Variants in RBPJ observed in about 807,000 individuals in gnomAD.
The protein encoded by RBPJ is recombination signal binding protein for immunoglobulin kappa J region.
In RBPJ, 9 loss-of-function variants were observed where a neutral mutation model predicts 67.8. That is an observed-to-expected ratio of 0.13 (90% CI 0.08 to 0.23). The LOEUF is 0.23. Ranked by LOEUF, RBPJ falls within the 10% of genes least tolerant of loss-of-function variation. The pLI, the probability that RBPJ is intolerant of heterozygous loss-of-function variation, is 1.00. For missense variants in RBPJ, 305 were observed against 595.6 expected (o/e 0.51, Z 5.08); for synonymous variants, 198 against 203.3 (o/e 0.97, Z 0.22).
chr4:26,238,562 G>C lies in RBPJ; in HGVS notation c.-167+74948G>C, dbSNP rs569090325. Reference sequence around the variant, plus strand: ...TACTGTTGTGGCCAAAGGTCACAGAGCTGGTAAGTGACAAAGTCAATAAAT... The same window carrying C: ...TACTGTTGTGGCCAAAGGTCACAGACCTGGTAAGTGACAAAGTCAATAAAT... On this transcript the variant is annotated intron_variant, in intron 1 of 4. Coordinates refer to the RBPJ transcript ENST00000512351. Among the ~76,000 whole-genome samples the C allele has an allele frequency of 3.9e-5, 6 of 152,336 alleles. No individual in the cohort carries two copies. In the South Asian group the frequency reaches 1.0e-3, roughly 26 times the overall value.
chr4:26,316,297 ACATATATACATT>A (rs915735530), upstream of RBPJ, among the ~76,000 whole-genome samples: 6 of 148,140 alleles, frequency 4.1e-5, no homozygotes, highest in African/African-American at 1.5e-4. Context: ...ATACATATAC[ACATATATACATT>A]CATATATACA....
At chr4:26,361,044 A>AGTGTGTGT (rs1232813456) in intron 1 of RBPJ, among the ~76,000 whole-genome samples, 14 of 95,340 alleles carry the variant, frequency 1.5e-4, no homozygotes, top group African/African-American at 3.9e-4. Context: ...TCCTTTCAGG[A>AGTGTGTGT]GTGAGTGTGT....
At chr4:26,235,066 A>G (rs925802869) in intron 1 of RBPJ, among the ~76,000 whole-genome samples, 4 of 152,140 alleles carry the variant, frequency 2.6e-5, no homozygotes, top group African/African-American at 9.7e-5. Flanking sequence ...GGAATTGTGC[A>G]TTTTGCTCAT....
chr4:26,194,361 C>T (rs1717676948), intron 1 of RBPJ, among the ~76,000 whole-genome samples: 1 of 152,200 alleles, frequency 6.6e-6, no homozygotes, highest in African/African-American at 2.4e-5. Context: ...AGCACACACA[C>T]ACATTTAATC....
chr4:26,377,692 C>T (rs1261104686), intron 1 of RBPJ, among the ~76,000 whole-genome samples: 1 of 152,166 alleles, frequency 6.6e-6, no homozygotes, highest in Non-Finnish European at 1.5e-5. Flanking sequence ...AATGGTTTCC[C>T]TAGTGAAATT....
chr4:26,341,264 AAAG>A (rs1162079349), intron 1 of RBPJ, among the ~76,000 whole-genome samples: 1 of 152,176 alleles, frequency 6.6e-6, no homozygotes, highest in African/African-American at 2.4e-5. Flanking sequence ...GAAGTCAAAT[AAAG>A]AAGATGGCTC....
At chr4:26,288,146 CT>C (rs1474118422) in intron 1 of RBPJ, among the ~76,000 whole-genome samples, 1 of 152,176 alleles carries the variant, frequency 6.6e-6, no homozygotes, top group East Asian at 1.9e-4. Flanking sequence ...AACAAATTAC[CT>C]CCAAATTTAG....
intron 1 of RBPJ, among the ~76,000 whole-genome samples, chr4:26,356,853 T>G (rs1392299682): frequency 1.3e-5 from 2 of 152,230 alleles, no homozygotes; most frequent in Non-Finnish European, 2.9e-5. Context: ...GCAGTTATAC[T>G]TTTGATAGAT....
At chr4:26,341,039 G>A (rs1392357815) in intron 1 of RBPJ, among the ~76,000 whole-genome samples, 1 of 152,130 alleles carries the variant, frequency 6.6e-6, no homozygotes, top group African/African-American at 2.4e-5. Context: ...AAGAGGTCAA[G>A]GCTGGGAATA....
the RBPJ span, among the ~76,000 whole-genome samples, chr4:26,135,483 G>T: frequency 1.3e-5 from 2 of 152,004 alleles, no homozygotes; most frequent in African/African-American, 4.8e-5. Flanking sequence ...TCGTTTTACA[G>T]CTGAGGAAAC....
intron 2 of RBPJ, among the ~76,000 whole-genome samples, chr4:26,388,858 A>G (rs1258838410): frequency 6.6e-6 from 1 of 152,178 alleles, no homozygotes; most frequent in Non-Finnish European, 1.5e-5. Context: ...TAGGAAGAGT[A>G]TGAATAAAAC....
intron 1 of RBPJ, among the ~76,000 whole-genome samples, chr4:26,205,027 G>A (rs1017944529): frequency 1.2e-4 from 19 of 152,330 alleles, no homozygotes; most frequent in African/African-American, 4.3e-4. Context: ...GGGGCCACGT[G>A]GCTGGAAGGA....
intron 1 of RBPJ, among the ~76,000 whole-genome samples, chr4:26,228,216 A>G (rs1361293996): frequency 6.6e-6 from 1 of 152,216 alleles, no homozygotes; most frequent in Non-Finnish European, 1.5e-5. Context: ...ATCTGGTTGT[A>G]ATTTCAGCAG....
At chr4:26,114,497 A>ATATATG in the RBPJ span, among the ~76,000 whole-genome samples, 70 of 140,072 alleles carry the variant, frequency 5.0e-4, no homozygotes, top group African/African-American at 1.9e-3. Context: ...ATATATATAT[A>ATATATG]TGTATGTGTG....
chr4:26,215,790 T>C (rs1718703783), intron 1 of RBPJ, among the ~76,000 whole-genome samples: 1 of 151,430 alleles, frequency 6.6e-6, no homozygotes, highest in Non-Finnish European at 1.5e-5. Flanking sequence ...TCTCAGTTCA[T>C]CTCCCCACTC....
chr4:26,349,105 T>G (rs945934878), intron 1 of RBPJ, among the ~76,000 whole-genome samples: 1 of 151,124 alleles, frequency 6.6e-6, no homozygotes, highest in Non-Finnish European at 1.5e-5. Flanking sequence ...CGCACGCACT[T>G]GCCAGGCTCT....
the RBPJ span, among the ~76,000 whole-genome samples, chr4:26,116,442 A>G: frequency 2.0e-5 from 3 of 152,326 alleles, no homozygotes; most frequent in South Asian, 6.2e-4. Flanking sequence ...CACTATTTCT[A>G]TCATTTTTTT....
intron 1 of RBPJ, among the ~76,000 whole-genome samples, chr4:26,202,462 C>T (rs1187865630): frequency 2.0e-5 from 3 of 151,896 alleles, no homozygotes; most frequent in African/African-American, 7.3e-5. Context: ...AGCCCAGCTT[C>T]ATCCTCACTC....
intron 1 of RBPJ, among the ~76,000 whole-genome samples, chr4:26,199,390 G>C (rs1437357244): frequency 6.6e-6 from 1 of 152,226 alleles, no homozygotes; most frequent in African/African-American, 2.4e-5. Context: ...ATTAGAGACA[G>C]TGAGGAAAGA....
Sources: allele counts gnomAD v4.1 joint callset (sites outside exome capture counted in the v4.1 genomes callset), GRCh38; gene constraint gnomAD v4.1.1; transcripts MANE v1.5; gene names NCBI Gene and HGNC (gene_info 2026-07-23, HGNC 2026-07-21).